Variants in CEP85L observed in about 807,000 individuals in gnomAD.
CEP85L encodes the protein centrosomal protein of 85 kDa-like.
CEP85L carries 60 observed loss-of-function variants against 100.3 expected under a neutral mutation model. The ratio of observed to expected loss-of-function variants is 0.60; its 90% CI spans 0.49 to 0.74. The LOEUF (loss-of-function observed/expected upper bound fraction) is 0.74. Ranked by LOEUF, CEP85L falls within the 30% of genes least tolerant of loss-of-function variation. The pLI is 0.00. For synonymous variants in CEP85L, 319 were observed against 322.7 expected (o/e 0.99, Z 0.12); for missense variants, 973 against 936.2 (o/e 1.04, Z -0.51).
intron 3 of CEP85L, among the ~76,000 whole-genome samples, chr6:118,547,689 C>A (rs1253909901): frequency 6.6e-6 from 1 of 151,952 alleles, no homozygotes; most frequent in Non-Finnish European, 1.5e-5. Flanking sequence ...GAAGAAAACA[C>A]AAATGAATTA....
At chr6:118,662,689 ATAT>A (rs1425645126) in intron 1 of CEP85L, among the ~76,000 whole-genome samples, 3 of 152,200 alleles carry the variant, frequency 2.0e-5, no homozygotes, top group Non-Finnish European at 4.4e-5. Flanking sequence ...GAGCACTTTA[ATAT>A]TAGCTATAGT....
rs1000169790 is a variant in CEP85L at position 118,684,825 on chromosome 6, A to T, written c.-28+25211T>A. ...AAGCTAAATTTTATTTTTTATTATT[A>T]TTTTTTTTTAGAGACAAGATCTCAC... is the stretch of plus-strand genomic sequence containing the variant. On this transcript the variant is annotated intron_variant, in intron 1 of 13. Transcript: ENST00000368488. Among the ~76,000 whole-genome samples the T allele has an allele frequency of 2.0e-5, 3 of 150,834 alleles. No homozygotes were observed. The South Asian group carries it at 6.3e-4, about 32-fold the overall frequency.
chr6:118,488,244 T>C (rs1401537581), intron 6 of CEP85L, among the ~76,000 whole-genome samples: 1 of 151,946 alleles, frequency 6.6e-6, no homozygotes, highest in African/African-American at 2.4e-5. Flanking sequence ...CCAAGATACA[T>C]GATTTGCCTG....
chr6:118,660,570 AC>A (rs1775938092), intron 1 of CEP85L, among the ~76,000 whole-genome samples: 1 of 152,254 alleles, frequency 6.6e-6, no homozygotes, highest in South Asian at 2.1e-4. Context: ...TTGGAATAAA[AC>A]CAAAACAAAC....
At chr6:118,514,667 C>A (rs1776165287) in intron 4 of CEP85L, among the ~76,000 whole-genome samples, 1 of 151,914 alleles carries the variant, frequency 6.6e-6, no homozygotes, top group Admixed American at 6.6e-5. Context: ...TAGGACCTAA[C>A]TATATACTAT....
chr6:118,522,611 C>T (rs1165317425), intron 4 of CEP85L, among the ~76,000 whole-genome samples: 3 of 152,102 alleles, frequency 2.0e-5, no homozygotes, highest in Non-Finnish European at 4.4e-5. Context: ...GGCATGGTGA[C>T]TCATGTTTGT....
At chr6:118,670,297 G>C (rs887671171) in intron 1 of CEP85L, among the ~76,000 whole-genome samples, 1 of 151,438 alleles carries the variant, frequency 6.6e-6, no homozygotes, top group Non-Finnish European at 1.5e-5. Flanking sequence ...TGCATGTCAT[G>C]GGGGTTTGGA....
chr6:118,614,249 C>A (rs940376236), intron 2 of CEP85L, among the ~76,000 whole-genome samples: 2 of 152,128 alleles, frequency 1.3e-5, no homozygotes, highest in Non-Finnish European at 2.9e-5. Flanking sequence ...TCTACAAAAA[C>A]CTACAGCTAA....
intron 2 of CEP85L, among the ~76,000 whole-genome samples, chr6:118,608,945 C>T (rs1287977457): frequency 6.6e-6 from 1 of 152,088 alleles, no homozygotes; most frequent in Non-Finnish European, 1.5e-5. Flanking sequence ...CTTAAATGCC[C>T]ATGGAGATCA....
At chr6:118,559,896 A>T (rs1779122572) in intron 3 of CEP85L, 1 of 167,002 alleles carries the variant, frequency 6.0e-6, no homozygotes, top group Non-Finnish European at 1.5e-5. Flanking sequence ...TCTAATCTTC[A>T]TTTAAGGCAC....
At chr6:118,662,803 T>C (rs145380272) in intron 1 of CEP85L, among the ~76,000 whole-genome samples, 10 of 152,268 alleles carry the variant, frequency 6.6e-5, no homozygotes, top group African/African-American at 2.2e-4. Context: ...TCCAGTTGTC[T>C]CTGTAGAGGG....
chr6:118,547,249 C>T (rs1041022933), intron 3 of CEP85L, among the ~76,000 whole-genome samples: 4 of 151,920 alleles, frequency 2.6e-5, no homozygotes, highest in Admixed American at 6.6e-5. Flanking sequence ...GAATGATGCC[C>T]GGCTTTACAA....
chr6:118,691,864 GA>G (rs1337029838), intron 1 of CEP85L, among the ~76,000 whole-genome samples: 1 of 152,056 alleles, frequency 6.6e-6, no homozygotes, highest in African/African-American at 2.4e-5. Context: ...AAAATTACAT[GA>G]CTTATTTTTC....
Position 118,463,671 on chromosome 6 carries a change from A to G in CEP85L, c.*1734T>C, listed in dbSNP as rs1425397838. On this transcript the variant is annotated 3_prime_UTR_variant, in exon 13 of 13. Transcript: ENST00000368491. ...CTGGGATGCAGGAGCACTACAATGT[A>G]CTTACTGATTTCTTAGTGCCCAGAT... The G allele has an allele frequency of 6.6e-6, 1 of 152,208 alleles. No individual in the cohort carries two copies. Among genetic ancestry groups the G allele is most frequent in the African/African-American group, 2.4e-5 (1 of 41,570 alleles). The allele number at this position is 152,208 out of a possible 1,614,324, so 9.4% of individuals were successfully genotyped here.
intron 2 of CEP85L, among the ~76,000 whole-genome samples, chr6:118,597,446 T>C (rs1781515516): frequency 6.6e-6 from 1 of 152,162 alleles, no homozygotes; most frequent in South Asian, 2.1e-4. Flanking sequence ...AGCTTGGAGG[T>C]AATTGCAAGA....
At chr6:118,501,668 C>A in intron 5 of CEP85L, 1 of 659,508 alleles carries the variant, frequency 1.5e-6, no homozygotes, top group East Asian at 3.2e-5. Context: ...GAAGCTGTTA[C>A]ACTCAGAGAT....
At chr6:118,665,569 C>T (rs1388707836) in intron 1 of CEP85L, among the ~76,000 whole-genome samples, 6 of 151,796 alleles carry the variant, frequency 4.0e-5, no homozygotes, top group Admixed American at 6.6e-5. Flanking sequence ...ACGTTGCCCA[C>T]GCTGGTCTCA....
chr6:118,507,361 A>C (rs918194470), intron 5 of CEP85L, among the ~76,000 whole-genome samples: 1 of 152,178 alleles, frequency 6.6e-6, no homozygotes, highest in African/African-American at 2.4e-5. Context: ...TCAAATGTTC[A>C]CATAACTTTT....
chr6:118,506,603 G>A (rs1342366917), intron 5 of CEP85L, among the ~76,000 whole-genome samples: 2 of 152,154 alleles, frequency 1.3e-5, no homozygotes, highest in Non-Finnish European at 2.9e-5. Flanking sequence ...CTTGCCTGGG[G>A]AGTTGGTGGG....
Sources: allele counts gnomAD v4.1 joint callset (sites outside exome capture counted in the v4.1 genomes callset), GRCh38; gene constraint gnomAD v4.1.1; transcripts MANE v1.5; gene names NCBI Gene and HGNC (gene_info 2026-07-23, HGNC 2026-07-21).